Variants in SUGCT observed in about 807,000 individuals in gnomAD.
SUGCT encodes succinyl-CoA:glutarate CoA-transferase.
A neutral mutation model predicts 55.0 loss-of-function variants in SUGCT; 41 were observed. The ratio of observed to expected loss-of-function variants is 0.74; its 90% confidence interval spans 0.58 to 0.97. The LOEUF (loss-of-function observed/expected upper bound fraction) is 0.97, where lower values mean the gene tolerates loss of function less well. Among genes scored for constraint, SUGCT ranks in the 50% least tolerant of loss-of-function variants. The pLI, the probability that SUGCT is intolerant of heterozygous loss-of-function variation, is 0.00. For synonymous variants in SUGCT, 187 were observed against 200.4 expected (o/e 0.93, Z 0.56); for missense variants, 568 against 547.8 (o/e 1.04, Z -0.37).
chr7:40,713,224 G>A (rs533960603), intron 12 of SUGCT, among the ~76,000 whole-genome samples: 14 of 152,136 alleles, frequency 9.2e-5, no homozygotes, highest in Middle Eastern at 3.4e-3. Context: ...GACCTTCTCT[G>A]GGGTGGAGAC....
At chr7:40,345,301 A>G (rs768194142) in intron 9 of SUGCT, among the ~76,000 whole-genome samples, 1 of 152,198 alleles carries the variant, frequency 6.6e-6, no homozygotes. Context: ...CTACGGAGGG[A>G]TAAACACTGT....
the SUGCT span, among the ~76,000 whole-genome samples, chr7:40,978,232 T>C: frequency 6.6e-6 from 1 of 152,130 alleles, no homozygotes; most frequent in Non-Finnish European, 1.5e-5. Flanking sequence ...GGCTGGAGAA[T>C]GGCAACACCT....
intron 12 of SUGCT, among the ~76,000 whole-genome samples, chr7:40,623,769 T>G (rs1799385393): frequency 6.6e-6 from 1 of 151,972 alleles, no homozygotes; most frequent in Non-Finnish European, 1.5e-5. Context: ...TAATCAATAA[T>G]TTTTTGGGAT....
chr7:40,406,767 A>G (rs1211094517), intron 9 of SUGCT, among the ~76,000 whole-genome samples: 1 of 152,238 alleles, frequency 6.6e-6, no homozygotes, highest in Non-Finnish European at 1.5e-5. Context: ...AATCTGTCCT[A>G]GACTTTTGAG....
chr7:40,376,862 T>G, intron 9 of SUGCT, among the ~76,000 whole-genome samples: 1 of 152,062 alleles, frequency 6.6e-6, no homozygotes, highest in East Asian at 1.9e-4. Flanking sequence ...AATTCTTAGT[T>G]TTCATTCATC....
At chr7:40,309,208 G>C (rs975724915) in intron 8 of SUGCT, among the ~76,000 whole-genome samples, 1 of 152,168 alleles carries the variant, frequency 6.6e-6, no homozygotes, top group Non-Finnish European at 1.5e-5. Context: ...TAGAATGTAA[G>C]CTTCATGAGA....
At chr7:40,417,839 T>C (rs1787092997) in intron 9 of SUGCT, among the ~76,000 whole-genome samples, 1 of 152,046 alleles carries the variant, frequency 6.6e-6, no homozygotes. Flanking sequence ...ACTGTTTTAT[T>C]TGTTAATTTC....
At chr7:40,381,545 T>G (rs1395648566) in intron 9 of SUGCT, among the ~76,000 whole-genome samples, 1 of 152,122 alleles carries the variant, frequency 6.6e-6, no homozygotes, top group African/African-American at 2.4e-5. Context: ...TGACTCGTGG[T>G]TCCGAAAAAA....
chr7:40,802,534 A>T (rs1408601389), intron 13 of SUGCT, among the ~76,000 whole-genome samples: 2 of 152,198 alleles, frequency 1.3e-5, no homozygotes, highest in Non-Finnish European at 2.9e-5. Context: ...CCACTTCGTC[A>T]TCTTTAAAGC....
intron 13 of SUGCT, among the ~76,000 whole-genome samples, chr7:40,765,115 ATTAG>A (rs1199767090): frequency 6.6e-6 from 1 of 152,142 alleles, no homozygotes; most frequent in East Asian, 1.9e-4. Flanking sequence ...AATAGTTTTT[ATTAG>A]TTAATTTCTC....
chr7:40,390,698 G>T (rs1785377771), intron 9 of SUGCT, among the ~76,000 whole-genome samples: 1 of 152,058 alleles, frequency 6.6e-6, no homozygotes, highest in Admixed American at 6.6e-5. Context: ...CATGAAAATG[G>T]CGATACTGCC....
intron 7 of SUGCT, among the ~76,000 whole-genome samples, chr7:40,245,348 C>A (rs757546954): frequency 7.4e-6 from 1 of 135,764 alleles, no homozygotes; most frequent in East Asian, 2.2e-4. Flanking sequence ...TGTGAGCCAC[C>A]GCACCTGGCC....
At chr7:40,334,433 T>A (rs1022206230) in intron 9 of SUGCT, among the ~76,000 whole-genome samples, 5 of 152,360 alleles carry the variant, frequency 3.3e-5, no homozygotes, top group African/African-American at 1.2e-4. Context: ...GACATTTTAA[T>A]GATCATCATT....
intron 12 of SUGCT, among the ~76,000 whole-genome samples, chr7:40,582,881 G>C (rs989527482): frequency 1.3e-5 from 2 of 152,022 alleles, no homozygotes; most frequent in East Asian, 3.9e-4. Flanking sequence ...TCAATACAGG[G>C]CATTTTCTAT....
At chr7:40,789,035 G>C (rs530765023) in intron 13 of SUGCT, among the ~76,000 whole-genome samples, 66 of 152,288 alleles carry the variant, frequency 4.3e-4, no homozygotes, top group African/African-American at 1.5e-3. Context: ...TAGGATCCTG[G>C]TGACAGGGTT....
intron 1 of SUGCT, among the ~76,000 whole-genome samples, chr7:40,143,962 G>A (rs899836688): frequency 4.6e-5 from 7 of 152,200 alleles, no homozygotes. Context: ...GGGGTTGGCT[G>A]TCCCTCTAGT....
intron 10 of SUGCT, among the ~76,000 whole-genome samples, chr7:40,453,086 A>G (rs1789280125): frequency 6.6e-6 from 1 of 152,174 alleles, no homozygotes; most frequent in African/African-American, 2.4e-5. Flanking sequence ...TCCCGGTGCA[A>G]AGAACATGAA....
chr7:40,618,541 A>T (rs1385283195), intron 12 of SUGCT, among the ~76,000 whole-genome samples: 9 of 152,230 alleles, frequency 5.9e-5, no homozygotes, highest in African/African-American at 1.7e-4. Context: ...GCATGTCTTC[A>T]TACATTCTGT....
chr7:40,172,243 T>C (rs1392109382), intron 1 of SUGCT, among the ~76,000 whole-genome samples: 1 of 152,034 alleles, frequency 6.6e-6, no homozygotes, highest in Non-Finnish European at 1.5e-5. Context: ...TGGGGGAAGC[T>C]GGGTAGAAAT....
Sources: allele counts gnomAD v4.1 joint callset (sites outside exome capture counted in the v4.1 genomes callset), GRCh38; gene constraint gnomAD v4.1.1; transcripts MANE v1.5; gene names NCBI Gene and HGNC (gene_info 2026-07-23, HGNC 2026-07-21).